MEF2B: variants seen among roughly 807,000 people sequenced by gnomAD.
MEF2B encodes myocyte enhancer factor 2B.
In MEF2B, 15 loss-of-function variants were observed where a neutral mutation model predicts 32.2. The observed-to-expected ratio is 0.47, with a 90% CI of 0.31 to 0.72. The LOEUF is 0.72. Ranked by LOEUF, MEF2B falls within the 30% of genes least tolerant of loss-of-function variation. The pLI is 0.05. For synonymous variants in MEF2B, 205 were observed against 225.6 expected (o/e 0.91, Z 0.82); for missense variants, 441 against 511.5 (o/e 0.86, Z 1.33).
intron 1 of MEF2B, among the ~76,000 whole-genome samples, chr19:19,162,568 G>A (rs974148381): frequency 6.6e-6 from 1 of 152,306 alleles, no homozygotes; most frequent in Non-Finnish European, 1.5e-5. Context: ...AGGCCCCATG[G>A]GGGTCCTTTT....
At position 19,155,161 on chromosome 19, in the gene MEF2B, C is replaced by T. The variant is rs547621821; in HGVS notation, c.-29-4397G>A. Among the ~76,000 whole-genome samples the T allele has an allele frequency of 4.6e-5, 7 of 152,306 alleles. No individual in the cohort carries two copies. The South Asian group carries it at 1.4e-3, about 32-fold the overall frequency. ...CCTGCTCATACACTCTCCATGGCTC[C>T]CCACTGCCCTTATGAGAAAGTTCTA... On this transcript the variant is annotated intron_variant, in intron 1 of 8. Coordinates refer to ENST00000424583, the MANE Select transcript of MEF2B (RefSeq NM_001145785.2).
chr19:19,146,377 G>T lies in MEF2B; in HGVS notation c.777C>A (p.Gly259=). The T allele has an allele frequency of 8.9e-7, 1 of 1,121,148 alleles. No homozygotes were observed. Among genetic ancestry groups the T allele is most frequent in the Non-Finnish European group, 1.2e-6 (1 of 830,072 alleles). The allele number at this position is 1,121,148 out of a possible 1,614,324, so 69.4% of individuals were successfully genotyped here. ...PFLPGGPPEY[G]LGDPPPPPGL... ...CAGGGGGCGGTGGAGGGTCTCCCAGGCCATATTCTGGTGGGCAGGAATTGG... is the reference window on the plus strand; with the variant it reads ...CAGGGGGCGGTGGAGGGTCTCCCAGTCCATATTCTGGTGGGCAGGAATTGG... The change falls in exon 8 of 9, where the codon GGC becomes GGA. Residue 259 remains glycine, a synonymous_variant. Coordinates refer to ENST00000424583, the MANE Select transcript of MEF2B (RefSeq NM_001145785.2).
rs375526866 is a variant in MEF2B at position 19,147,415 on chromosome 19, CACTT to C, written c.394-236_394-233del. On this transcript the variant is annotated intron_variant, in intron 4 of 8. Coordinates refer to ENST00000424583, the MANE Select transcript of MEF2B (RefSeq NM_001145785.2). ...AGGTAGGTCCAGAGCCAAGACCTCT[CACTT>C]AGTGTAGAGTTGGCACTGAGGGGGC... 4.6e-3 allele frequency among the ~76,000 whole-genome samples: 676 copies of C among 145,608 alleles called. 164 individuals carry two copies. Among genetic ancestry groups the C allele is most frequent in the Middle Eastern group, 0.018 (5 of 284 alleles).
At chr19:19,154,935 TCACTGTACTC>T (rs1333536469) in intron 1 of MEF2B, among the ~76,000 whole-genome samples, 1 of 152,092 alleles carries the variant, frequency 6.6e-6, no homozygotes, top group Admixed American at 6.5e-5. Context: ...GCACTTTAAG[TCACTGTACTC>T]CAGGGTGCGT....
At chr19:19,163,688 C>T (rs909675393) in intron 1 of MEF2B, among the ~76,000 whole-genome samples, 2 of 152,126 alleles carry the variant, frequency 1.3e-5, no homozygotes, top group Admixed American at 1.3e-4. Context: ...GGGCCTTGGT[C>T]TGTCACCTAG....
At chr19:19,149,013 G>A (rs757879571) in intron 3 of MEF2B, among the ~76,000 whole-genome samples, 4 of 151,532 alleles carry the variant, frequency 2.6e-5, no homozygotes, top group Non-Finnish European at 5.9e-5. Flanking sequence ...TGCCCTGCCC[G>A]ATGTGCTTTA....
In MEF2B at chr19:19,149,228, C is replaced by G. The variant is rs769182595; in HGVS notation, c.256G>C (p.Glu86Gln). Residue 86 changes from glutamate to glutamine, a missense_variant and splice_region_variant, in exon 3 of 9, where the codon GAG (glutamate) becomes CAG (glutamine). Around this residue, in one of 2 missense-constraint regions of MEF2B, gnomAD observed 115 missense variants for 183.1 expected, o/e 0.63. Transcript: ENST00000424583. ...CTGGGGAGGAGGACCTGGGGTACCTCGAGGATGTCAGTGTTGGTGCGGCTC... is the reference window on the plus strand; with the variant it reads ...CTGGGGAGGAGGACCTGGGGTACCTGGAGGATGTCAGTGTTGGTGCGGCTC... ...HESRTNTDIL[E>Q]TLKRRGIGLD... 2 of 1,613,610 alleles carry G rather than the reference C, an allele frequency of 1.2e-6. No individual in the cohort carries two copies. The highest frequency in any genetic ancestry group is 2.2e-5 in the South Asian group (2 of 91,050).
At position 19,169,586 on chromosome 19, in the gene MEF2B, C is replaced by T. The variant is rs562972122; in HGVS notation, c.-30+619G>A. Among the ~76,000 whole-genome samples, 4 of 152,184 alleles carry T rather than the reference C, an allele frequency of 2.6e-5. No individual in the cohort carries two copies. The East Asian group carries it at 7.8e-4, about 30-fold the overall frequency. The stretch of plus-strand genomic sequence containing the variant: ...CACCCATATCTGCAGCCCTGGACCC[C>T]AAAAGAGATAGGGAGGGAGGACTGT... On this transcript the variant is annotated intron_variant, in intron 1 of 8. Transcript: ENST00000424583.
In MEF2B at chr19:19,147,144, C is replaced by A. The variant is rs1179358806; in HGVS notation, c.433G>T (p.Gly145Trp). The A allele has an allele frequency of 3.8e-6, 6 of 1,594,144 alleles. No homozygotes were observed. The highest frequency in any genetic ancestry group is 5.1e-6 in the Non-Finnish European group (6 of 1,171,118). ...PAMPSPDVVY[G>W]ALPPPGCDPS... ...TCACAGCCTGGTGGCGGTAAGGCCCCGTATACCACATCTGGGCTGGGCATA... is the reference window on the plus strand; with the variant it reads ...TCACAGCCTGGTGGCGGTAAGGCCCAGTATACCACATCTGGGCTGGGCATA... Residue 145 changes from glycine (G) to tryptophan (W), a missense_variant, in exon 5 of 9, where the codon GGG becomes TGG. This residue lies in a region of MEF2B where 326 missense variants were observed against 328.4 expected (regional missense o/e 0.99). Coordinates refer to ENST00000424583, the MANE Select transcript of MEF2B (RefSeq NM_001145785.2).
At chr19:19,168,343 C>T (rs529923887) in intron 1 of MEF2B, among the ~76,000 whole-genome samples, 4 of 138,732 alleles carry the variant, frequency 2.9e-5, no homozygotes, top group South Asian at 2.3e-4. Context: ...ACACGATCTT[C>T]GCTCACCACA....
At chr19:19,169,765 T>C (rs1426233347) in intron 1 of MEF2B, among the ~76,000 whole-genome samples, 4 of 152,140 alleles carry the variant, frequency 2.6e-5, no homozygotes, top group Non-Finnish European at 5.9e-5. Context: ...ACCATCCTGC[T>C]GTGACAAACG....
chr19:19,154,405 G>A (rs1015490879), intron 1 of MEF2B, among the ~76,000 whole-genome samples: 11 of 151,450 alleles, frequency 7.3e-5, no homozygotes, highest in Non-Finnish European at 1.6e-4. Context: ...CTCATGATCC[G>A]CCCGCCTTGG....
At chr19:19,169,090 C>T (rs547915173) in intron 1 of MEF2B, among the ~76,000 whole-genome samples, 5 of 151,760 alleles carry the variant, frequency 3.3e-5, no homozygotes, top group South Asian at 2.1e-4. Flanking sequence ...CAGGGGCTCA[C>T]GCCTGTAATC....
At position 19,163,778 on chromosome 19, in the gene MEF2B, C is replaced by G. The variant is rs565340898; in HGVS notation, c.-30+6427G>C. ...AAGCCAATCTCTTGCCTCAGCCTCC[C>G]GAGTAGCTAGGGCTGCAGGCGCCTG... On this transcript the variant is annotated intron_variant, in intron 1 of 8. Coordinates refer to ENST00000424583, the MANE Select transcript of MEF2B (RefSeq NM_001145785.2). Among the ~76,000 whole-genome samples the G allele has an allele frequency of 9.7e-4, 147 of 152,096 alleles. 7 individuals carry two copies. The highest frequency in any genetic ancestry group is 4.1e-4 in the Non-Finnish European group (28 of 68,008).
chr19:19,162,243 C>G (rs538418787), intron 1 of MEF2B, among the ~76,000 whole-genome samples: 1 of 152,306 alleles, frequency 6.6e-6, no homozygotes, highest in African/African-American at 2.4e-5. Context: ...CTCAGATTTC[C>G]CAGCAGCTGG....
intron 1 of MEF2B, among the ~76,000 whole-genome samples, chr19:19,160,507 G>A (rs1231567347): frequency 6.6e-6 from 1 of 152,072 alleles, no homozygotes; most frequent in Non-Finnish European, 1.5e-5. Flanking sequence ...CACCCCTGCG[G>A]GACTTTACTG....
At chr19:19,161,307 C>T (rs946639537) in intron 1 of MEF2B, among the ~76,000 whole-genome samples, 1 of 151,980 alleles carries the variant, frequency 6.6e-6, no homozygotes, top group African/African-American at 2.4e-5. Flanking sequence ...GTCACTCCAT[C>T]CTTGTATGGG....
chr19:19,146,502 G>A (rs2060027163), intron 7 of MEF2B, 53 bp downstream of exon 7: 2 of 1,468,486 alleles, frequency 1.4e-6, no homozygotes, highest in African/African-American at 1.4e-5. Context: ...AACCCCCAGA[G>A]GGCAGGAGTG....
At chr19:19,148,003 C>G (rs2060042131) in intron 3 of MEF2B, among the ~76,000 whole-genome samples, 171 bp from the exon 4 acceptor site, 1 of 152,274 alleles carries the variant, frequency 6.6e-6, no homozygotes. Flanking sequence ...GAGTTACCAG[C>G]TAGCAGTTTC....
Sources: gnomAD v4.1 joint callset for allele counts (sites outside exome capture counted in the v4.1 genomes callset) on GRCh38, gnomAD v4.1.1 for gene constraint, gnomAD v4.1.1 regional missense constraint, MANE v1.5 for transcripts, NCBI Gene and HGNC (gene_info 2026-07-23, HGNC 2026-07-21) for gene names.